Variants in ZFYVE9 observed in about 807,000 individuals in gnomAD.
The protein encoded by ZFYVE9 is zinc finger FYVE-type containing 9.
Under a neutral mutation model 126.7 loss-of-function variants are expected in ZFYVE9, and 43 were observed. The observed-to-expected ratio is 0.34, with a 90% confidence interval of 0.27 to 0.44. The LOEUF is 0.44. ZFYVE9 is among the 20% of genes least tolerant of loss of function. ZFYVE9 has a pLI of 1.00. For missense variants in ZFYVE9, 1,476 were observed against 1,697.0 expected (o/e 0.87, Z 2.29); for synonymous variants, 521 against 597.4 (o/e 0.87, Z 1.87).
At chr1:52,240,741 G>A (rs569593858) in intron 4 of ZFYVE9, among the ~76,000 whole-genome samples, 21 of 152,168 alleles carry the variant, frequency 1.4e-4, no homozygotes, top group Non-Finnish European at 2.8e-4. Flanking sequence ...AAACTGGCTG[G>A]GGGGCAAAAG....
intron 12 of ZFYVE9, among the ~76,000 whole-genome samples, chr1:52,298,042 T>C (rs1645995614): frequency 6.6e-6 from 1 of 152,218 alleles, no homozygotes; most frequent in South Asian, 2.1e-4. Context: ...TTATATATTC[T>C]GGATATTAAC....
Position 52,182,413 on chromosome 1 carries a change from T to C in ZFYVE9, c.-142-33956T>C, listed in dbSNP as rs1039677936. On this transcript the variant is annotated intron_variant, in intron 1 of 18. Coordinates refer to ENST00000287727, the MANE Select transcript of ZFYVE9 (RefSeq NM_004799.4). ...CATTTTGTTCTGTACTAAGAAAAAT[T>C]CTTCTGCCTTGGGATCCTGTTGATC... Among the ~76,000 whole-genome samples the C allele has an allele frequency of 7.2e-5, 11 of 152,068 alleles. No homozygotes were observed. The East Asian group carries it at 1.7e-3, about 24-fold the overall frequency.
intron 1 of ZFYVE9, among the ~76,000 whole-genome samples, chr1:52,208,837 A>G (rs1300484002): frequency 6.6e-6 from 1 of 152,148 alleles, no homozygotes; most frequent in Non-Finnish European, 1.5e-5. Flanking sequence ...CCGGCCTTGA[A>G]TTGTTCTTTA....
chr1:52,258,751 T>C (rs1645548164), intron 4 of ZFYVE9, among the ~76,000 whole-genome samples: 1 of 152,184 alleles, frequency 6.6e-6, no homozygotes, highest in African/African-American at 2.4e-5. Flanking sequence ...TCATCTACTT[T>C]TCTAGCTAAC....
chr1:52,190,701 G>A (rs1398258373), intron 1 of ZFYVE9, among the ~76,000 whole-genome samples: 1 of 152,192 alleles, frequency 6.6e-6, no homozygotes, highest in Admixed American at 6.5e-5. Flanking sequence ...GTGAGTCACA[G>A]TGAACTGCAG....
At chr1:52,202,925 A>C (rs1306381585) in intron 1 of ZFYVE9, among the ~76,000 whole-genome samples, 1 of 151,954 alleles carries the variant, frequency 6.6e-6, no homozygotes, top group South Asian at 2.1e-4. Context: ...ACCTTAGGTG[A>C]TCCCCCCATC....
chr1:52,315,799 T>C (rs1250736837), intron 13 of ZFYVE9, among the ~76,000 whole-genome samples: 5 of 151,982 alleles, frequency 3.3e-5, no homozygotes. Flanking sequence ...TACCTTCAAG[T>C]AAAAGGCAGA....
chr1:52,278,197 A>ATTTTTTTTTTTTTTTTTTTTTTTTTTTTT (rs1489004797), intron 8 of ZFYVE9, among the ~76,000 whole-genome samples: 3 of 152,090 alleles, frequency 2.0e-5, no homozygotes, highest in Admixed American at 6.6e-5. Context: ...TAGTTGGAAA[A>ATTTTTTTTTTTTTTTTTTTTTTTTTTTTT]TTTTTATTAA....
Position 52,346,346 on chromosome 1 carries a change from TGGGA to T in ZFYVE9, c.*127_*130del. 6.2e-5 allele frequency: 12 copies of T among 193,224 alleles called. No homozygotes were observed. Among genetic ancestry groups the T allele is most frequent in the Middle Eastern group, 5.7e-4 (1 of 1,766 alleles). The allele number at this position is 193,224 out of a possible 1,614,324, so 12.0% of individuals were successfully genotyped here. ...ACTATTAATGGGGTGGGGAATAGGGTGGGAGTGGGGGTTTGGGAGACGGGTGGGA... is the reference window on the plus strand; with the variant it reads ...ACTATTAATGGGGTGGGGAATAGGGTGTGGGGGTTTGGGAGACGGGTGGGA... On this transcript the variant is annotated 3_prime_UTR_variant, in exon 19 of 19. Transcript: ENST00000287727.
intron 4 of ZFYVE9, among the ~76,000 whole-genome samples, chr1:52,263,078 CAAA>C (rs759753454): frequency 5.7e-5 from 4 of 70,334 alleles, no homozygotes; most frequent in Non-Finnish European, 1.2e-4. Flanking sequence ...AATTGTGTCT[CAAA>C]AAAAAAAAAA....
chr1:52,260,753 G>T (rs1044067408), intron 4 of ZFYVE9, among the ~76,000 whole-genome samples: 1 of 152,078 alleles, frequency 6.6e-6, no homozygotes, highest in African/African-American at 2.4e-5. Flanking sequence ...AGAGGCGGAG[G>T]TTGCAATGAG....
Position 52,142,180 on chromosome 1 carries a change from C to G in ZFYVE9, c.-366C>G, listed in dbSNP as rs911128272. 1 of 151,476 alleles carries G rather than the reference C, an allele frequency of 6.6e-6. No homozygotes were observed. The allele number at this position is 151,476 out of a possible 1,614,324, so 9.4% of individuals were successfully genotyped here. ...GCGCCCCCGGCCCGGCTCGGCGGCG[C>G]TCCTCCGGGATCCGCGTGGCTGCCG... On this transcript the variant is annotated 5_prime_UTR_variant, in exon 1 of 19. Coordinates refer to ENST00000287727, the MANE Select transcript of ZFYVE9 (RefSeq NM_004799.4). The surrounding 1 kb of genome is among the most constrained non-coding windows in gnomAD (Gnocchi z 4.5).
At chr1:52,260,484 C>A (rs1469039316) in intron 4 of ZFYVE9, among the ~76,000 whole-genome samples, 1 of 151,980 alleles carries the variant, frequency 6.6e-6, no homozygotes, top group Non-Finnish European at 1.5e-5. Flanking sequence ...CTACACTGTG[C>A]CCATACAGAT....
intron 4 of ZFYVE9, among the ~76,000 whole-genome samples, chr1:52,241,304 G>A (rs2124634213): frequency 6.6e-6 from 1 of 152,310 alleles, no homozygotes; most frequent in Non-Finnish European, 1.5e-5. Flanking sequence ...GCAGAAAGAA[G>A]CTAAAGCTGA....
At chr1:52,270,737 A>G (rs112829276) in intron 7 of ZFYVE9, among the ~76,000 whole-genome samples, 7 of 149,032 alleles carry the variant, frequency 4.7e-5, no homozygotes, top group African/African-American at 1.7e-4. Flanking sequence ...TTTTTATATC[A>G]TTAATATTTA....
intron 13 of ZFYVE9, among the ~76,000 whole-genome samples, chr1:52,315,427 CTAAAA>C (rs1397917010): frequency 2.0e-5 from 3 of 151,844 alleles, no homozygotes; most frequent in African/African-American, 7.3e-5. Flanking sequence ...GACCCTGTCT[CTAAAA>C]TAAAATAACA....
At chr1:52,174,975 CTT>C (rs1204840304) in intron 1 of ZFYVE9, among the ~76,000 whole-genome samples, 1 of 152,116 alleles carries the variant, frequency 6.6e-6, no homozygotes, top group African/African-American at 2.4e-5. Context: ...CAGTCTGTGT[CTT>C]TTAATTGGAG....
At chr1:52,155,408 G>T (rs145804426) in intron 1 of ZFYVE9, among the ~76,000 whole-genome samples, 1 of 151,780 alleles carries the variant, frequency 6.6e-6, no homozygotes. Flanking sequence ...CTAATTTTTT[G>T]TATTTTTAGT....
chr1:52,260,853 C>T (rs973470985), intron 4 of ZFYVE9, among the ~76,000 whole-genome samples: 3 of 152,044 alleles, frequency 2.0e-5, no homozygotes, highest in African/African-American at 7.3e-5. Context: ...TCCCATTGCT[C>T]TATTAAAAAG....
Sources: allele counts gnomAD v4.1 joint callset (sites outside exome capture counted in the v4.1 genomes callset), GRCh38; gene constraint gnomAD v4.1.1; non-coding constraint Gnocchi (gnomAD v3.1); transcripts MANE v1.5; gene names NCBI Gene and HGNC (gene_info 2026-07-23, HGNC 2026-07-21).